Variants in KIF21A observed in about 807,000 individuals in gnomAD.
KIF21A encodes the protein kinesin family member 21A.
In KIF21A, 114 loss-of-function variants were observed where a neutral mutation model predicts 202.9. The observed-to-expected ratio is 0.56, with a 90% CI of 0.48 to 0.66. The LOEUF (loss-of-function observed/expected upper bound fraction) is 0.66, where lower values mean the gene tolerates loss of function less well. KIF21A is among the 30% of genes least tolerant of loss of function. The probability of loss-of-function intolerance (pLI) is 0.00; values close to 1 mark genes in which losing one functional copy is unlikely to be tolerated. For missense variants in KIF21A, 1,677 were observed against 1,994.9 expected (o/e 0.84, Z 3.04); for synonymous variants, 667 against 670.8 (o/e 0.99, Z 0.09).
intron 37 of KIF21A, 123 bp from the exon 38 acceptor site, chr12:39,294,640 T>C: frequency 1.4e-6 from 1 of 728,098 alleles, no homozygotes; most frequent in East Asian, 2.7e-5. Context: ...CAAGTATAAA[T>C]ATGCATTGTC....
At position 39,416,015 on chromosome 12, in the gene KIF21A, G is replaced by C. The variant is rs114783501; in HGVS notation, c.44+26912C>G. 4.1e-3 allele frequency among the ~76,000 whole-genome samples: 628 copies of C among 152,250 alleles called. 7 individuals carry two copies. Among genetic ancestry groups the C allele is most frequent in the African/African-American group, 0.015 (614 of 41,536 alleles). On this transcript the variant is annotated intron_variant, in intron 1 of 37. Transcript: ENST00000361418. ...AAACGAAGCTGGTAACTAAGGTGCA[G>C]GGAGCAACAAGCCAGGGTACAAATT...
chr12:39,358,386 A>G lies in KIF21A; in HGVS notation c.1020-13T>C. ...CATGATTGTTTGGCTGAAAGTTACA[A>G]ATAATAGTTAGGCTTACACATAAAA... On this transcript the variant is annotated splice_polypyrimidine_tract_variant and intron_variant, in intron 7 of 37. Transcript: ENST00000361418. 1 of 1,611,038 alleles carries G rather than the reference A, an allele frequency of 6.2e-7. No individual in the cohort carries two copies. Among genetic ancestry groups the G allele is most frequent in the Non-Finnish European group, 8.5e-7 (1 of 1,177,156 alleles).
chr12:39,389,175 C>CACCT (rs1361952953), intron 1 of KIF21A, among the ~76,000 whole-genome samples: 1 of 138,874 alleles, frequency 7.2e-6, no homozygotes, highest in African/African-American at 3.1e-5. Context: ...TCAGTAAATA[C>CACCT]ACATACACAC....
chr12:39,427,556 A>G (rs1334673093), intron 1 of KIF21A, among the ~76,000 whole-genome samples: 2 of 152,268 alleles, frequency 1.3e-5, no homozygotes, highest in Non-Finnish European at 2.9e-5. Context: ...GTTCATTTTA[A>G]AATATTCAAT....
At position 39,318,168 on chromosome 12, in the gene KIF21A, T is replaced by G. The variant is rs1418145944; in HGVS notation, c.3813A>C (p.Ser1271=). 1 of 1,613,334 alleles carries G rather than the reference T, an allele frequency of 6.2e-7. No individual in the cohort carries two copies. Among genetic ancestry groups the G allele is most frequent in the South Asian group, 1.1e-5 (1 of 91,062 alleles). The change falls in exon 29 of 38, where the codon TCA becomes TCC. Residue 1271 remains serine, a synonymous_variant. Transcript: ENST00000361418. The part of the protein sequence containing the change: ...SDSGTSEASL[S]PPSSPPSRPR... Reference sequence around the variant, plus strand: ...GCCGGCTTGGTGGGGAAGAAGGAGGTGAAAGACTAGCCTCTGAAGTTCCAG... The same window carrying G: ...GCCGGCTTGGTGGGGAAGAAGGAGGGGAAAGACTAGCCTCTGAAGTTCCAG...
chr12:39,420,968 A>T (rs551640368), intron 1 of KIF21A, among the ~76,000 whole-genome samples: 1 of 152,324 alleles, frequency 6.6e-6, no homozygotes, highest in African/African-American at 2.4e-5. Context: ...AAGTGAAGTG[A>T]AAAATGAAGG....
intron 1 of KIF21A, among the ~76,000 whole-genome samples, chr12:39,389,526 T>C (rs530983848): frequency 8.5e-5 from 13 of 152,320 alleles, no homozygotes; most frequent in African/African-American, 3.1e-4. Flanking sequence ...TGGAGTCTGC[T>C]TGCCACTGCC....
chr12:39,438,367 C>A (rs886715033), intron 1 of KIF21A, among the ~76,000 whole-genome samples: 7 of 152,112 alleles, frequency 4.6e-5, no homozygotes, highest in African/African-American at 1.7e-4. Context: ...TGACTAACAA[C>A]AACTAAAATC....
At chr12:39,368,082 G>A in intron 3 of KIF21A, 50 bp from the exon 4 acceptor site, 1 of 1,182,954 alleles carries the variant, frequency 8.5e-7, no homozygotes, top group Non-Finnish European at 1.3e-6. Flanking sequence ...TGTCTGGGTA[G>A]TTGTCATAAC....
intron 1 of KIF21A, among the ~76,000 whole-genome samples, chr12:39,424,493 C>G (rs1377460754): frequency 6.6e-6 from 1 of 152,178 alleles, no homozygotes; most frequent in African/African-American, 2.4e-5. Flanking sequence ...TCCCTGTGAT[C>G]CAAACTCATA....
intron 12 of KIF21A, among the ~76,000 whole-genome samples, chr12:39,342,549 T>C (rs1947530821): frequency 6.6e-6 from 1 of 152,186 alleles, no homozygotes; most frequent in South Asian, 2.1e-4. Context: ...TTCACTGATG[T>C]CCTAATACAT....
chr12:39,314,650 T>C (rs1482468127), intron 31 of KIF21A, among the ~76,000 whole-genome samples: 1 of 151,854 alleles, frequency 6.6e-6, no homozygotes, highest in Non-Finnish European at 1.5e-5. Flanking sequence ...TGTAATACTG[T>C]GTCTCCAAAG....
At position 39,333,012 on chromosome 12, in the gene KIF21A, G is replaced by A. The variant is rs759170761; in HGVS notation, c.2583C>T (p.Asp861=). 3.7e-6 allele frequency: 6 copies of A among 1,613,902 alleles called. No individual in the cohort carries two copies. The South Asian group carries it at 5.5e-5, about 15-fold the overall frequency. The change falls in exon 19 of 38, where the codon GAC becomes GAT. Residue 861 remains aspartate, a synonymous_variant. Coordinates refer to ENST00000361418, the MANE Select transcript of KIF21A (RefSeq NM_001173464.2). ...KLSSSDAPAQ[D]TGSSAAAVET... ...CGACAGCAGCTGCACTGGAACCTGT[G>A]TCCTGAGCAGGTGCATCAGATGAAC...
intron 21 of KIF21A, 28 bp downstream of exon 21, chr12:39,332,186 C>T (rs746595280): frequency 1.3e-6 from 2 of 1,595,444 alleles, no homozygotes; most frequent in South Asian, 2.2e-5. Flanking sequence ...TTTCATTAAA[C>T]CATTACGCTT....
At position 39,341,489 on chromosome 12, in the gene KIF21A, A is replaced by G; in HGVS notation, c.1921+16T>C. ...TCCCAAAATGAATTTTTGCCCTTAT[A>G]CCAAAGGGCAAGTACCTTTTTCATC... On this transcript the variant is annotated intron_variant, in intron 14 of 37. Transcript: ENST00000361418. 6.2e-7 allele frequency: 1 copy of G among 1,610,246 alleles called. No homozygotes were observed. The highest frequency in any genetic ancestry group is 2.2e-5 in the East Asian group (1 of 44,808).
chr12:39,302,944 C>G (rs533560201), intron 36 of KIF21A, 21 bp downstream of exon 36: 5 of 1,608,230 alleles, frequency 3.1e-6, no homozygotes, highest in African/African-American at 1.3e-5. Flanking sequence ...CACTCTATAC[C>G]ATGAAAAGGT....
chr12:39,343,659 A>G (rs1377089439), intron 12 of KIF21A, among the ~76,000 whole-genome samples: 1 of 152,182 alleles, frequency 6.6e-6, no homozygotes, highest in Non-Finnish European at 1.5e-5. Flanking sequence ...TCTACTGAGC[A>G]CTATGAATAT....
chr12:39,317,998 A>C, intron 29 of KIF21A, 75 bp downstream of exon 29: 2 of 1,443,400 alleles, frequency 1.4e-6, no homozygotes, highest in Non-Finnish European at 9.7e-7. Flanking sequence ...AGATGACTAC[A>C]TGTTTTCTAC....
intron 37 of KIF21A, among the ~76,000 whole-genome samples, chr12:39,295,694 T>TG (rs1942249305): frequency 1.0e-5 from 1 of 95,326 alleles, no homozygotes; most frequent in Non-Finnish European, 1.8e-5. Flanking sequence ...TGGGATATGT[T>TG]TTTTTTTTTT....
Sources: gnomAD v4.1 joint callset for allele counts (sites outside exome capture counted in the v4.1 genomes callset) on GRCh38, gnomAD v4.1.1 for gene constraint, MANE v1.5 for transcripts, NCBI Gene and HGNC (gene_info 2026-07-23, HGNC 2026-07-21) for gene names.